Variants in PBX1 observed in about 807,000 individuals in gnomAD.
PBX1 encodes pre-B-cell leukemia transcription factor 1.
PBX1 carries 6 observed loss-of-function variants against 53.4 expected under a neutral mutation model. That is an observed-to-expected ratio of 0.11 (90% CI 0.06 to 0.22). PBX1 has a LOEUF of 0.22. PBX1 is among the 10% of genes least tolerant of loss of function. The pLI is 1.00. For synonymous variants in PBX1, 204 were observed against 212.3 expected (o/e 0.96, Z 0.34); for missense variants, 251 against 551.4 (o/e 0.46, Z 5.46).
At chr1:164,621,727 C>T (rs1048325911) in intron 2 of PBX1, among the ~76,000 whole-genome samples, 4 of 152,126 alleles carry the variant, frequency 2.6e-5, no homozygotes, top group Admixed American at 2.0e-4. Context: ...AGAAAAGGAT[C>T]AATGGACATA....
chr1:164,697,248 A>AT (rs1287220510), intron 2 of PBX1, among the ~76,000 whole-genome samples: 3 of 152,182 alleles, frequency 2.0e-5, no homozygotes, highest in Non-Finnish European at 4.4e-5. Flanking sequence ...CTGACTAGGA[A>AT]TTGGCAGAGC....
chr1:164,714,365 A>G (rs1663970840), intron 2 of PBX1, among the ~76,000 whole-genome samples: 2 of 152,214 alleles, frequency 1.3e-5, no homozygotes, highest in Admixed American at 1.3e-4. Context: ...CACATCACAC[A>G]TAGGTGAGTT....
At chr1:164,797,154 C>T (rs1303484381) in intron 3 of PBX1, among the ~76,000 whole-genome samples, 1 of 152,078 alleles carries the variant, frequency 6.6e-6, no homozygotes, top group East Asian at 1.9e-4. Context: ...CAGAAAGGGC[C>T]CCGGGATAGA....
intron 2 of PBX1, among the ~76,000 whole-genome samples, chr1:164,747,116 T>C (rs889583981): frequency 6.6e-6 from 1 of 152,206 alleles, no homozygotes; most frequent in African/African-American, 2.4e-5. Flanking sequence ...CAAAATTTGC[T>C]GAGTACCAGC....
chr1:164,854,887 C>G (rs1671943818), downstream of PBX1, among the ~76,000 whole-genome samples: 1 of 151,904 alleles, frequency 6.6e-6, no homozygotes. Context: ...TCACTCTCTC[C>G]CACAATGCCC....
At chr1:164,709,775 A>T (rs550035856) in intron 2 of PBX1, among the ~76,000 whole-genome samples, 1 of 152,266 alleles carries the variant, frequency 6.6e-6, no homozygotes, top group Admixed American at 6.5e-5. Flanking sequence ...AATTTCCGTC[A>T]TCTTTCCCTT....
chr1:164,700,962 T>C (rs568904560), intron 2 of PBX1, among the ~76,000 whole-genome samples: 6 of 152,324 alleles, frequency 3.9e-5, no homozygotes, highest in Admixed American at 2.0e-4. Flanking sequence ...ACTTCATAAA[T>C]TCATTAGCAA....
At chr1:164,615,665 G>A (rs1281349790) in intron 2 of PBX1, among the ~76,000 whole-genome samples, 2 of 152,180 alleles carry the variant, frequency 1.3e-5, no homozygotes, top group African/African-American at 4.8e-5. Flanking sequence ...ATCGCTAAAC[G>A]TGGCCAAAGT....
At chr1:164,779,170 C>T (rs1245123842) in intron 2 of PBX1, among the ~76,000 whole-genome samples, 1 of 151,226 alleles carries the variant, frequency 6.6e-6, no homozygotes, top group Non-Finnish European at 1.5e-5. Context: ...GGTTTAATTT[C>T]CATGAAAGAA....
At chr1:164,670,188 CA>C (rs1317981027) in intron 2 of PBX1, among the ~76,000 whole-genome samples, 4 of 152,214 alleles carry the variant, frequency 2.6e-5, no homozygotes, top group Non-Finnish European at 5.9e-5. Context: ...TTTACACCCT[CA>C]GGGAGGTCCA....
intron 2 of PBX1, among the ~76,000 whole-genome samples, chr1:164,699,901 G>A (rs937388108): frequency 1.3e-5 from 2 of 152,112 alleles, no homozygotes; most frequent in Non-Finnish European, 1.5e-5. Context: ...TTGACAGAGC[G>A]GTTTTGTAGA....
chr1:164,870,101 GA>G (rs1672311900), intron 2 of PBX1, among the ~76,000 whole-genome samples: 1 of 152,160 alleles, frequency 6.6e-6, no homozygotes, highest in South Asian at 2.1e-4. Flanking sequence ...GGACTCAGGA[GA>G]CCTAGGCCCT....
At chr1:164,720,623 TAA>T (rs1416386303) in intron 2 of PBX1, among the ~76,000 whole-genome samples, 4 of 152,200 alleles carry the variant, frequency 2.6e-5, no homozygotes, top group Non-Finnish European at 5.9e-5. Flanking sequence ...CTTCTCAGGC[TAA>T]CATCTGCTGA....
At chr1:164,732,728 C>CT in intron 2 of PBX1, among the ~76,000 whole-genome samples, 1 of 152,268 alleles carries the variant, frequency 6.6e-6, no homozygotes, top group Middle Eastern at 3.4e-3. Flanking sequence ...AGCCTCCTGT[C>CT]TTATCTGTCA....
At chr1:164,710,833 T>C (rs1473809242) in intron 2 of PBX1, among the ~76,000 whole-genome samples, 2 of 152,186 alleles carry the variant, frequency 1.3e-5, no homozygotes, top group Non-Finnish European at 2.9e-5. Context: ...TTATTTGAAA[T>C]ATTGTGAAAC....
intron 2 of PBX1, among the ~76,000 whole-genome samples, chr1:164,595,002 G>A (rs1412169893): frequency 1.3e-5 from 2 of 152,200 alleles, no homozygotes; most frequent in African/African-American, 4.8e-5. Flanking sequence ...TGAACGTGAA[G>A]ACAAAAGAAC....
At chr1:164,571,740 G>A (rs1653867992) in intron 2 of PBX1, among the ~76,000 whole-genome samples, 1 of 151,260 alleles carries the variant, frequency 6.6e-6, no homozygotes. Context: ...AAGGAGTGGA[G>A]TTGCTGGCTC....
intron 2 of PBX1, among the ~76,000 whole-genome samples, chr1:164,649,759 C>T (rs1165864165): frequency 6.6e-6 from 1 of 152,164 alleles, no homozygotes; most frequent in Non-Finnish European, 1.5e-5. Flanking sequence ...TCAAAATGAC[C>T]ATGCTGGGTC....
intron 8 of PBX1, among the ~76,000 whole-genome samples, chr1:164,831,884 T>C (rs1670785822): frequency 1.3e-5 from 2 of 152,220 alleles, no homozygotes; most frequent in Non-Finnish European, 2.9e-5. Context: ...AGCCAAGCAT[T>C]GCTAGAAAGG....
Sources: gnomAD v4.1 joint callset for allele counts (sites outside exome capture counted in the v4.1 genomes callset) on GRCh38, gnomAD v4.1.1 for gene constraint, MANE v1.5 for transcripts, NCBI Gene and HGNC (gene_info 2026-07-23, HGNC 2026-07-21) for gene names.